ARF5: variants seen among roughly 807,000 people sequenced by gnomAD.
ARF5 encodes ARF GTPase 5, also known as ADP-ribosylation factor 5.
ARF5 carries 10 observed loss-of-function variants against 24.8 expected under a neutral mutation model. That is an observed-to-expected ratio of 0.40 (90% CI 0.25 to 0.68). The LOEUF (loss-of-function observed/expected upper bound fraction) is 0.68, where lower values mean the gene tolerates loss of function less well. ARF5 is among the 30% of genes least tolerant of loss of function. The pLI, the probability that ARF5 is intolerant of heterozygous loss-of-function variation, is 0.36. For missense variants in ARF5, 135 were observed against 239.2 expected, an observed-to-expected ratio of 0.56 and a Z score of 2.87; for synonymous variants, 102 against 95.1, an observed-to-expected ratio of 1.07 and a Z score of -0.42.
At position 127,590,990 on chromosome 7, in the gene ARF5, G is replaced by A; in HGVS notation, c.358G>A (p.Val120Met). 6.2e-7 allele frequency: 1 copy of A among 1,613,978 alleles called. No homozygotes were observed. The highest frequency in any genetic ancestry group is 8.5e-7 in the Non-Finnish European group (1 of 1,179,968). The change falls in exon 5 of 6, where the codon GTG (valine) becomes ATG (methionine). Residue 120 changes from valine (V) to methionine (M), a missense_variant. Val to Met is a conservative substitution (Grantham distance 21). This residue lies in a region of ARF5 where 102 missense variants were observed against 160.9 expected (regional missense o/e 0.63). Coordinates refer to ENST00000000233, the MANE Select transcript of ARF5 (RefSeq NM_001662.4). ...MLQEDELRDA[V>M]LLVFANKQDM... Reference sequence around the variant, plus strand: ...GCAGGAGGACGAGCTGCGGGATGCAGTGCTGCTGGTATTTGCCAACAAGCA... The same window carrying A: ...GCAGGAGGACGAGCTGCGGGATGCAATGCTGCTGGTATTTGCCAACAAGCA...
At position 127,588,432 on chromosome 7, in the gene ARF5, C is replaced by G. The variant is rs1034483799; in HGVS notation, c.-67C>G. ...CCTCCTGCTGCTGCTGCGCCCCATC[C>G]CCCCGCGGCCGGCCAGTTCCAGCCC... On this transcript the variant is annotated 5_prime_UTR_variant, in exon 1 of 6. Transcript: ENST00000000233. The G allele has an allele frequency of 9.4e-7, 1 of 1,065,310 alleles. No homozygotes were observed. Among genetic ancestry groups the G allele is most frequent in the Non-Finnish European group, 1.2e-6 (1 of 817,970 alleles). 66.0% of individuals were successfully genotyped at this position (1,065,310 alleles called of 1,614,324 possible). A position where few individuals can be genotyped will look rare whatever the true frequency, so the allele number is the denominator to read the frequency against.
In ARF5 at chr7:127,588,516, C is replaced by A; in HGVS notation, c.18C>A (p.Ser6=). The A allele has an allele frequency of 6.8e-7, 1 of 1,470,884 alleles. No individual in the cohort carries two copies. The highest frequency in any genetic ancestry group is 2.8e-5 in the East Asian group (1 of 35,580). 91.1% of individuals were successfully genotyped at this position (1,470,884 alleles called of 1,614,324 possible). MGLTV[S]ALFSRIFGKK... ...GCCCCGCCATGGGCCTCACCGTGTC[C>A]GCGCTCTTTTCGCGGATCTTCGGGA... is the stretch of plus-strand genomic sequence containing the variant. The change falls in exon 1 of 6, where the codon TCC becomes TCA. Residue 6 remains serine (S), a synonymous_variant. Transcript: ENST00000000233.
intron 1 of ARF5, 120 bp from the exon 2 acceptor site, chr7:127,588,963 C>G: frequency 8.3e-7 from 1 of 1,201,982 alleles, no homozygotes; most frequent in Non-Finnish European, 1.2e-6. Flanking sequence ...ACGACGCGCA[C>G]CTGGAGGCGC....
intron 1 of ARF5, chr7:127,588,822 C>T (rs975283651): frequency 1.7e-6 from 1 of 577,884 alleles, no homozygotes; most frequent in South Asian, 2.3e-5. Flanking sequence ...GGATTCCGCC[C>T]TTGGAGACGA....
In ARF5 at chr7:127,589,144, C is replaced by G; in HGVS notation, c.129C>G (p.Val43=). Residue 43 remains valine, a synonymous_variant, in exon 2 of 6, where the codon GTC becomes GTG. Transcript: ENST00000000233. ...ACAAACTGAAGTTGGGGGAGATTGT[C>G]ACCACCATCCCAACCATAGGTGAGC... ...ILYKLKLGEI[V]TTIPTIGFNV... 6.2e-7 allele frequency: 1 copy of G among 1,614,200 alleles called. No homozygotes were observed.
chr7:127,590,984 G>A lies in ARF5; in HGVS notation c.352G>A (p.Asp118Asn). 6.2e-7 allele frequency: 1 copy of A among 1,613,736 alleles called. No individual in the cohort carries two copies. ...QKMLQEDELR[D>N]AVLLVFANKQ... ...TCAGCTGCAGGAGGACGAGCTGCGG[G>A]ATGCAGTGCTGCTGGTATTTGCCAA... The change falls in exon 5 of 6, where the codon GAT (aspartate) becomes AAT (asparagine). Residue 118 changes from aspartate (D) to asparagine (N), a missense_variant. This residue lies in a region of ARF5 where 102 missense variants were observed against 160.9 expected (regional missense o/e 0.63). Transcript: ENST00000000233.
At position 127,591,013 on chromosome 7, in the gene ARF5, G is replaced by A. The variant is rs1587536879; in HGVS notation, c.381G>A (p.Lys127=). 1 of 1,614,060 alleles carries A rather than the reference G, an allele frequency of 6.2e-7. No individual in the cohort carries two copies. The highest frequency in any genetic ancestry group is 1.3e-5 in the African/African-American group (1 of 75,046). ...CAGTGCTGCTGGTATTTGCCAACAA[G>A]CAGGACATGCCCAACGCCATGCCCG... ...RDAVLLVFAN[K]QDMPNAMPVS... is the part of the protein sequence containing the mutation. Residue 127 remains lysine (K), a synonymous_variant, in exon 5 of 6, where the codon AAG becomes AAA. Transcript: ENST00000000233.
Position 127,591,499 on chromosome 7 carries a change from C to T in ARF5, c.*200C>T, listed in dbSNP as rs988682868. Reference sequence around the variant, plus strand: ...TGCTCTCTGGGCACAGAGGGGTCCACTCTCCTGCCTGCTGGGACCTATGGA... The same window carrying T: ...TGCTCTCTGGGCACAGAGGGGTCCATTCTCCTGCCTGCTGGGACCTATGGA... On this transcript the variant is annotated 3_prime_UTR_variant, in exon 6 of 6. Coordinates refer to ENST00000000233, the MANE Select transcript of ARF5 (RefSeq NM_001662.4). 4 of 528,640 alleles carry T rather than the reference C, an allele frequency of 7.6e-6. No individual in the cohort carries two copies. In the Admixed American group the frequency reaches 1.6e-4, roughly 21 times the overall value. The allele number at this position is 528,640 out of a possible 1,614,324, so 32.7% of individuals were successfully genotyped here. A position where few individuals can be genotyped will look rare whatever the true frequency, so the allele number is the denominator to read the frequency against.
Position 127,588,485 on chromosome 7 carries a change from C to T in ARF5, c.-14C>T, listed in dbSNP as rs1393832017. The T allele has an allele frequency of 3.5e-6, 5 of 1,435,716 alleles. No individual in the cohort carries two copies. The highest frequency in any genetic ancestry group is 4.6e-6 in the Non-Finnish European group (5 of 1,083,632). 88.9% of individuals were successfully genotyped at this position (1,435,716 alleles called of 1,614,324 possible). A position where few individuals can be genotyped will look rare whatever the true frequency, so the allele number is the denominator to read the frequency against. ...ACCCCGCGTCGGTGCCCGCGCCCCTCCCCGGGCCCCGCCATGGGCCTCACC... is the reference window on the plus strand; with the variant it reads ...ACCCCGCGTCGGTGCCCGCGCCCCTTCCCGGGCCCCGCCATGGGCCTCACC... On this transcript the variant is annotated 5_prime_UTR_variant, in exon 1 of 6. Transcript: ENST00000000233.
Position 127,591,038 on chromosome 7 carries a change from G to A in ARF5, c.406G>A (p.Val136Met), listed in dbSNP as rs1278238405. The A allele has an allele frequency of 6.8e-6, 11 of 1,613,928 alleles. No individual in the cohort carries two copies. The highest frequency in any genetic ancestry group is 2.2e-5 in the East Asian group (1 of 44,876). ...GCAGGACATGCCCAACGCCATGCCC[G>A]TGAGCGAGCTGACTGACAAGCTGGG... ...NKQDMPNAMP[V>M]SELTDKLGLQ... Residue 136 changes from valine to methionine, a missense_variant, in exon 5 of 6, where the codon GTG becomes ATG. Coordinates refer to ENST00000000233, the MANE Select transcript of ARF5 (RefSeq NM_001662.4).
intron 1 of ARF5, 78 bp downstream of exon 1, chr7:127,588,643 C>A: frequency 1.6e-6 from 2 of 1,245,118 alleles, no homozygotes. Context: ...TCCCTCCAGC[C>A]CCGCTCACCT....
chr7:127,589,923 T>C (rs1433650437), intron 3 of ARF5, 143 bp from the exon 4 acceptor site: 6 of 759,192 alleles, frequency 7.9e-6, no homozygotes, highest in Admixed American at 2.1e-5. Context: ...AGAGCTTCTA[T>C]AGAGTTCTGT....
intron 4 of ARF5, among the ~76,000 whole-genome samples, 158 bp downstream of exon 4, chr7:127,590,295 A>G (rs1456750871): frequency 6.6e-6 from 1 of 151,242 alleles, no homozygotes; most frequent in African/African-American, 2.4e-5. Flanking sequence ...CCTGTTTTGG[A>G]TGGGAGTGAC....
chr7:127,590,851 G>A (rs1794276305), intron 4 of ARF5, 112 bp from the exon 5 acceptor site: 6 of 1,387,958 alleles, frequency 4.3e-6, no homozygotes, highest in Non-Finnish European at 5.8e-6. Context: ...TTCAACGGCA[G>A]ACTGCACAAT....
chr7:127,591,363 C>T lies in ARF5; in HGVS notation c.*64C>T. ...CGTGCATCCCCGGGATGACCAGACT[C>T]CCGGACTCCTCAGGCAGTGCCCTTT... On this transcript the variant is annotated 3_prime_UTR_variant, in exon 6 of 6. Transcript: ENST00000000233. 7.1e-7 allele frequency: 1 copy of T among 1,406,946 alleles called. No homozygotes were observed. 87.2% of individuals were successfully genotyped at this position (1,406,946 alleles called of 1,614,324 possible).
rs562806582 is a variant in ARF5 at position 127,590,478 on chromosome 7, G to A, written c.330+341G>A. Among the ~76,000 whole-genome samples, 12 of 152,214 alleles carry A rather than the reference G, an allele frequency of 7.9e-5. 1 individual carries two copies. In the South Asian group the frequency reaches 1.7e-3, roughly 21 times the overall value. ...CTCCCAAGTAGCTGGGATTACAGGC[G>A]CCCGCTGCCATGCCCAGTTAATTTT... On this transcript the variant is annotated intron_variant, in intron 4 of 5. Transcript: ENST00000000233.
In ARF5 at chr7:127,590,991, T is replaced by G. The variant is rs747749998; in HGVS notation, c.359T>G (p.Val120Gly). The stretch of plus-strand genomic sequence containing the variant: ...CAGGAGGACGAGCTGCGGGATGCAG[T>G]GCTGCTGGTATTTGCCAACAAGCAG... ...MLQEDELRDA[V>G]LLVFANKQDM... Residue 120 changes from valine to glycine, a missense_variant, in exon 5 of 6, where the codon GTG becomes GGG. This residue lies in a region of ARF5 where 102 missense variants were observed against 160.9 expected (regional missense o/e 0.63). Coordinates refer to ENST00000000233, the MANE Select transcript of ARF5 (RefSeq NM_001662.4). 6 of 1,613,872 alleles carry G rather than the reference T, an allele frequency of 3.7e-6. No homozygotes were observed. Among genetic ancestry groups the G allele is most frequent in the African/African-American group, 1.3e-5 (1 of 74,906 alleles).
intron 2 of ARF5, 46 bp downstream of exon 2, chr7:127,589,209 C>T (rs781325855): frequency 8.8e-6 from 14 of 1,598,826 alleles, no homozygotes; most frequent in Non-Finnish European, 1.2e-5. Flanking sequence ...GCGGCGGGCC[C>T]TCGCGGGGTC....
At chr7:127,591,172 T>G (rs368493966) in intron 5 of ARF5, 41 bp from the exon 6 acceptor site, 4 of 1,606,304 alleles carry the variant, frequency 2.5e-6, no homozygotes, top group South Asian at 1.1e-5. Context: ...GCATTCCTTT[T>G]GTTCCTGGTT....
Sources: allele counts gnomAD v4.1 joint callset (sites outside exome capture counted in the v4.1 genomes callset), GRCh38; gene constraint gnomAD v4.1.1; regional missense constraint gnomAD v4.1.1; transcripts MANE v1.5; gene names NCBI Gene and HGNC (gene_info 2026-07-23, HGNC 2026-07-21).